The following ITPRIP variants were observed in gnomAD, a reference collection of about 807,000 sequenced individuals.
The protein encoded by ITPRIP is inositol 1,4,5-trisphosphate receptor interacting protein.
A neutral mutation model predicts 35.8 loss-of-function variants in ITPRIP; 32 were observed. The ratio of observed to expected loss-of-function variants is 0.89; its 90% confidence interval spans 0.68 to 1.20. The LOEUF (loss-of-function observed/expected upper bound fraction) is 1.20, where lower values mean the gene tolerates loss of function less well. Among genes scored for constraint, ITPRIP ranks in the 50% most tolerant of loss-of-function variants. ITPRIP has a pLI of 0.00. For synonymous variants in ITPRIP, 358 were observed against 324.0 expected (o/e 1.11, Z -1.13); for missense variants, 653 against 735.6 (o/e 0.89, Z 1.30).
chr10:104,328,256 T>C lies in ITPRIP; in HGVS notation c.-14+9990A>G. ...CTCACCACTTCCCGTTGTCCTACAT[T>C]GGCTTGGTCTGGGCTCGTATTCCTC... On this transcript the variant is annotated intron_variant, in intron 1 of 1. Transcript: ENST00000337478. This position sits in a 1 kb window ranked among gnomAD's most constrained non-coding sequence, Gnocchi z 4.1. The C allele has an allele frequency of 3.0e-6, 3 of 985,418 alleles. No individual in the cohort carries two copies. The highest frequency in any genetic ancestry group is 3.6e-6 in the Non-Finnish European group (3 of 829,918). 61.0% of individuals were successfully genotyped at this position (985,418 alleles called of 1,614,324 possible). A position where few individuals can be genotyped will look rare whatever the true frequency, so the allele number is the denominator to read the frequency against.
intron 1 of ITPRIP, among the ~76,000 whole-genome samples, chr10:104,327,973 G>C (rs2014064857): frequency 6.6e-6 from 1 of 152,146 alleles, no homozygotes; most frequent in Non-Finnish European, 1.5e-5. Flanking sequence ...GCAAGGGCAG[G>C]GTCCTGTTTG....
chr10:104,313,283 A>G lies in ITPRIP; in HGVS notation c.*1125T>C. 1.0e-6 allele frequency: 1 copy of G among 985,900 alleles called. No homozygotes were observed. The highest frequency in any genetic ancestry group is 1.2e-6 in the Non-Finnish European group (1 of 830,262). 61.1% of individuals were successfully genotyped at this position (985,900 alleles called of 1,614,324 possible). A position where few individuals can be genotyped will look rare whatever the true frequency, so the allele number is the denominator to read the frequency against. ...CTTTCTCTGAACTGGGCCAGACTGC[A>G]AGCCAGACACCACCACCCCGGGTAG... On this transcript the variant is annotated 3_prime_UTR_variant, in exon 2 of 2. Coordinates refer to ENST00000337478, the MANE Select transcript of ITPRIP (RefSeq NM_001272013.2).
At chr10:104,332,769 A>G (rs1472003273) in intron 1 of ITPRIP, among the ~76,000 whole-genome samples, 1 of 152,200 alleles carries the variant, frequency 6.6e-6, no homozygotes, top group Non-Finnish European at 1.5e-5. Flanking sequence ...AGCACACCCA[A>G]CTGAAAGCAT....
chr10:104,331,857 T>C (rs892313547), intron 1 of ITPRIP, among the ~76,000 whole-genome samples: 41 of 152,324 alleles, frequency 2.7e-4, no homozygotes, highest in African/African-American at 9.6e-4. Flanking sequence ...CTAGGTCTGC[T>C]AATATCAGAG....
rs2013541845 is a variant in ITPRIP at position 104,313,460 on chromosome 10, G to T, written c.*948C>A. The T allele has an allele frequency of 1.0e-6, 1 of 985,892 alleles. No individual in the cohort carries two copies. The highest frequency in any genetic ancestry group is 1.1e-4 in the East Asian group (1 of 8,820). The allele number at this position is 985,892 out of a possible 1,614,324, so 61.1% of individuals were successfully genotyped here. A position where few individuals can be genotyped will look rare whatever the true frequency, so the allele number is the denominator to read the frequency against. ...GTGCCTTGTGGTTGCCAATGAAGAAGTGATAGAGTTTCTTTTCCAGCTGTC... is the reference window on the plus strand; with the variant it reads ...GTGCCTTGTGGTTGCCAATGAAGAATTGATAGAGTTTCTTTTCCAGCTGTC... On this transcript the variant is annotated 3_prime_UTR_variant, in exon 2 of 2. Coordinates refer to ENST00000337478, the MANE Select transcript of ITPRIP (RefSeq NM_001272013.2).
At position 104,310,523 on chromosome 10, in the gene ITPRIP, G is replaced by C. The variant is rs1002002678; in HGVS notation, c.*3885C>G. On this transcript the variant is annotated 3_prime_UTR_variant, in exon 2 of 2. Coordinates refer to ENST00000337478, the MANE Select transcript of ITPRIP (RefSeq NM_001272013.2). Reference sequence around the variant, plus strand: ...CAACATGTACACCAGGACTGCCTGGGTTGGAATCTGGGCTGTGCTACTTAC... The same window carrying C: ...CAACATGTACACCAGGACTGCCTGGCTTGGAATCTGGGCTGTGCTACTTAC... The C allele has an allele frequency of 6.6e-6, 1 of 152,148 alleles. No individual in the cohort carries two copies. The highest frequency in any genetic ancestry group is 1.9e-4 in the East Asian group (1 of 5,188). The allele number at this position is 152,148 out of a possible 1,614,324, so 9.4% of individuals were successfully genotyped here.
chr10:104,314,486 C>T lies in ITPRIP; in HGVS notation c.1566G>A (p.Glu522=), dbSNP rs1234243637. 6 of 1,614,048 alleles carry T rather than the reference C, an allele frequency of 3.7e-6. No homozygotes were observed. The highest frequency in any genetic ancestry group is 1.6e-4 in the Middle Eastern group (1 of 6,084). ...TGAGCGCTGGGGCATTCTTGAGCAT[C>T]TCATAGAAGGAGTCCAGTGTCTTAC... is the stretch of plus-strand genomic sequence containing the variant. ...LYRKTLDSFY[E]MLKNAPALIS... is the part of the protein sequence containing the mutation. Residue 522 remains glutamate, a synonymous_variant, in exon 2 of 2, where the codon GAG becomes GAA. Transcript: ENST00000337478.
intron 1 of ITPRIP, 65 bp from the exon 2 acceptor site, chr10:104,316,129 G>T (rs939856169): frequency 2.2e-6 from 3 of 1,348,496 alleles, no homozygotes; most frequent in East Asian, 5.0e-5. Context: ...CCTGGGCCCC[G>T]CACCAACCTC....
chr10:104,319,733 A>C (rs1179431641), intron 1 of ITPRIP, among the ~76,000 whole-genome samples: 1 of 151,678 alleles, frequency 6.6e-6, no homozygotes, highest in Non-Finnish European at 1.5e-5. Context: ...CCCTTCCCAA[A>C]CCCAGTCACA....
intron 1 of ITPRIP, among the ~76,000 whole-genome samples, chr10:104,338,000 G>T (rs1482236063): frequency 6.6e-6 from 1 of 152,150 alleles, no homozygotes; most frequent in African/African-American, 2.4e-5. Flanking sequence ...CGCCCGGGAC[G>T]CATCCCCCGA....
intron 1 of ITPRIP, among the ~76,000 whole-genome samples, chr10:104,317,216 AC>A (rs1315418752): frequency 6.6e-6 from 1 of 152,226 alleles, no homozygotes; most frequent in Non-Finnish European, 1.5e-5. Context: ...ATTTCTTCTT[AC>A]CAGGCATGTG....
In ITPRIP at chr10:104,313,125, G is replaced by A. The variant is rs1252037549; in HGVS notation, c.*1283C>T. 1.0e-6 allele frequency: 1 copy of A among 985,324 alleles called. No homozygotes were observed. The highest frequency in any genetic ancestry group is 4.7e-5 in the South Asian group (1 of 21,296). The allele number at this position is 985,324 out of a possible 1,614,324, so 61.0% of individuals were successfully genotyped here. On this transcript the variant is annotated 3_prime_UTR_variant, in exon 2 of 2. Coordinates refer to ENST00000337478, the MANE Select transcript of ITPRIP (RefSeq NM_001272013.2). ...CAGTGAGGGAGCCCCGCTGGAGTGA[G>A]GAACTAGGGGCTCAGAGCCTGCAGA...
intron 1 of ITPRIP, among the ~76,000 whole-genome samples, chr10:104,330,419 CA>C (rs796147049): frequency 1.8e-4 from 28 of 152,342 alleles, no homozygotes; most frequent in African/African-American, 6.5e-4. Context: ...GAGACGGTTG[CA>C]GCCCCGTTTG....
Position 104,314,870 on chromosome 10 carries a change from C to T in ITPRIP, c.1182G>A (p.Thr394=), listed in dbSNP as rs767541228. The change falls in exon 2 of 2, where the codon ACG becomes ACA. Residue 394 remains threonine (T), a synonymous_variant. Coordinates refer to ENST00000337478, the MANE Select transcript of ITPRIP (RefSeq NM_001272013.2). The part of the protein sequence containing the change: ...FAVYERHFLR[T]TLKALPEGAC... ...CGCCCTCGGGCAGTGCCTTTAGTGTCGTCCTGAGGAAGTGTCGCTCATAGA... is the reference window on the plus strand; with the variant it reads ...CGCCCTCGGGCAGTGCCTTTAGTGTTGTCCTGAGGAAGTGTCGCTCATAGA... 1.4e-5 allele frequency: 23 copies of T among 1,613,550 alleles called. No homozygotes were observed. Among genetic ancestry groups the T allele is most frequent in the South Asian group, 2.2e-5 (2 of 91,054 alleles).
rs989664981 is a variant in ITPRIP at position 104,315,811 on chromosome 10, C to T, written c.241G>A (p.Glu81Lys). The part of the protein sequence containing the change: ...QVAEEGRQQN[E>K]TRVAWDLWST... Reference sequence around the variant, plus strand: ...CAGAGGTCCCAGGCCACGCGTGTCTCGTTCTGCTGCCTGCCCTCCTCCGCC... The same window carrying T: ...CAGAGGTCCCAGGCCACGCGTGTCTTGTTCTGCTGCCTGCCCTCCTCCGCC... Residue 81 changes from glutamate (E) to lysine (K), a missense_variant, in exon 2 of 2, where the codon GAG becomes AAG. By Grantham distance (56) the Glu-to-Lys change is moderately conservative. Transcript: ENST00000337478. The surrounding 1 kb of genome is among the most constrained non-coding windows in gnomAD (Gnocchi z 5.7). 3.7e-6 allele frequency: 6 copies of T among 1,613,404 alleles called. No individual in the cohort carries two copies. Among genetic ancestry groups the T allele is most frequent in the South Asian group, 1.1e-5 (1 of 91,044 alleles).
chr10:104,319,110 TG>T (rs1368210363), intron 1 of ITPRIP, among the ~76,000 whole-genome samples: 1 of 152,262 alleles, frequency 6.6e-6, no homozygotes, highest in African/African-American at 2.4e-5. Context: ...AAAGGGGGCC[TG>T]GGCTGTAGAC....
At position 104,328,499 on chromosome 10, in the gene ITPRIP, C is replaced by CA. The variant is rs1334989634; in HGVS notation, c.-14+9746dup. 2.0e-5 allele frequency among the ~76,000 whole-genome samples: 3 copies of CA among 152,050 alleles called. No homozygotes were observed. In the East Asian group the frequency reaches 5.8e-4, roughly 30 times the overall value. ...TCAGTGGGACAGGGAGGGGAGGCTG[C>CA]ACGCTTAGACGCAGGCTCTGCACAA... is the stretch of plus-strand genomic sequence containing the variant. On this transcript the variant is annotated intron_variant, in intron 1 of 1. Coordinates refer to ENST00000337478, the MANE Select transcript of ITPRIP (RefSeq NM_001272013.2). This position sits in a 1 kb window ranked among gnomAD's most constrained non-coding sequence, Gnocchi z 4.1.
At chr10:104,321,748 G>C (rs2135190454) in intron 1 of ITPRIP, among the ~76,000 whole-genome samples, 1 of 150,448 alleles carries the variant, frequency 6.6e-6, no homozygotes, top group South Asian at 2.1e-4. Flanking sequence ...TAAGAGGTGG[G>C]TGCCATCCCT....
Position 104,315,313 on chromosome 10 carries a change from G to C in ITPRIP, c.739C>G (p.Arg247Gly). The change falls in exon 2 of 2, where the codon CGC becomes GGC. Residue 247 changes from arginine to glycine, a missense_variant. Coordinates refer to ENST00000337478, the MANE Select transcript of ITPRIP (RefSeq NM_001272013.2). The surrounding 1 kb of genome is among the most constrained non-coding windows in gnomAD (Gnocchi z 5.7). Reference sequence around the variant, plus strand: ...CAGCTCAATGTGTCCCCATCGGCGCGGACCACCTTGATCTGGCCGTAGCCC... The same window carrying C: ...CAGCTCAATGTGTCCCCATCGGCGCCGACCACCTTGATCTGGCCGTAGCCC... The part of the protein sequence containing the change: ...RQGYGQIKVV[R>G]ADGDTLSCIC... 1 of 1,577,986 alleles carries C rather than the reference G, an allele frequency of 6.3e-7. No individual in the cohort carries two copies. The highest frequency in any genetic ancestry group is 8.6e-7 in the Non-Finnish European group (1 of 1,159,302).
Sources: allele counts gnomAD v4.1 joint callset (sites outside exome capture counted in the v4.1 genomes callset), GRCh38; gene constraint gnomAD v4.1.1; non-coding constraint Gnocchi (gnomAD v3.1); transcripts MANE v1.5; gene names NCBI Gene and HGNC (gene_info 2026-07-23, HGNC 2026-07-21).